Variants in SEMA6D observed in about 807,000 individuals in gnomAD.
SEMA6D encodes semaphorin-6D.
A neutral mutation model predicts 106.6 loss-of-function variants in SEMA6D; 35 were observed. The observed-to-expected ratio is 0.33, with a 90% CI of 0.25 to 0.44. The LOEUF (loss-of-function observed/expected upper bound fraction) is 0.44. Among genes scored for constraint, SEMA6D ranks in the 20% least tolerant of loss-of-function variants. SEMA6D has a pLI of 1.00. For missense variants in SEMA6D, 1,185 were observed against 1,345.9 expected (o/e 0.88, Z 1.87); for synonymous variants, 499 against 487.7 (o/e 1.02, Z -0.31).
At chr15:47,308,063 G>A (rs1481258851) in intron 1 of SEMA6D, among the ~76,000 whole-genome samples, 1 of 151,394 alleles carries the variant, frequency 6.6e-6, no homozygotes, top group Non-Finnish European at 1.5e-5. Flanking sequence ...TAGTTGAGAG[G>A]TAAGTCACTT....
chr15:47,295,254 A>G (rs1052947945), intron 1 of SEMA6D, among the ~76,000 whole-genome samples: 9 of 152,232 alleles, frequency 5.9e-5, no homozygotes, highest in African/African-American at 2.2e-4. Context: ...CAGGTTTAAG[A>G]GCATCAAGTG....
intron 8 of SEMA6D, 60 bp from the exon 9 acceptor site, chr15:47,762,956 G>T: frequency 8.0e-7 from 1 of 1,245,624 alleles, no homozygotes; most frequent in East Asian, 2.4e-5. Flanking sequence ...TTTGCAGTCG[G>T]GGTCTTATGC....
chr15:47,268,609 A>G (rs2034426578), intron 1 of SEMA6D, among the ~76,000 whole-genome samples: 1 of 152,148 alleles, frequency 6.6e-6, no homozygotes, highest in African/African-American at 2.4e-5. Flanking sequence ...GTCCTTGGAA[A>G]TGGCCAGCAC....
At chr15:47,277,612 AT>A (rs1261643727) in intron 1 of SEMA6D, among the ~76,000 whole-genome samples, 5 of 115,372 alleles carry the variant, frequency 4.3e-5, no homozygotes, top group African/African-American at 1.6e-4. Flanking sequence ...TATTATTATT[AT>A]TTATTATTAT....
chr15:47,398,904 A>G (rs2040307246), intron 1 of SEMA6D, among the ~76,000 whole-genome samples: 1 of 152,160 alleles, frequency 6.6e-6, no homozygotes, highest in Non-Finnish European at 1.5e-5. Flanking sequence ...ACACTTCCTG[A>G]GTGAACTTCC....
intron 1 of SEMA6D, among the ~76,000 whole-genome samples, chr15:47,214,259 G>A (rs1185760056): frequency 6.6e-6 from 1 of 152,146 alleles, no homozygotes; most frequent in African/African-American, 2.4e-5. Flanking sequence ...TGTTTTCAAG[G>A]TGATACAGGG....
At chr15:47,370,735 C>T (rs2039243164) in intron 1 of SEMA6D, among the ~76,000 whole-genome samples, 1 of 147,498 alleles carries the variant, frequency 6.8e-6, no homozygotes, top group Non-Finnish European at 1.5e-5. Flanking sequence ...CAGCACGCGC[C>T]AGTAGTCCCA....
At chr15:47,721,021 G>A (rs1341369419) in intron 1 of SEMA6D, among the ~76,000 whole-genome samples, 2 of 152,222 alleles carry the variant, frequency 1.3e-5, no homozygotes, top group Non-Finnish European at 2.9e-5. Context: ...TCTAGAGGAA[G>A]CAAGAAGCAG....
intron 1 of SEMA6D, chr15:47,275,287 G>A (rs1346875947): frequency 6.6e-6 from 1 of 152,046 alleles, no homozygotes; most frequent in African/African-American, 2.4e-5. Flanking sequence ...GCTGAGAAAG[G>A]AAAAAGAATA....
chr15:47,642,179 A>T (rs2077500599), intron 4 of SEMA6D, among the ~76,000 whole-genome samples: 1 of 152,232 alleles, frequency 6.6e-6, no homozygotes, highest in Non-Finnish European at 1.5e-5. Flanking sequence ...TGGTACAGAT[A>T]TGTCATATGC....
chr15:47,593,716 A>T (rs1028395827), intron 3 of SEMA6D, among the ~76,000 whole-genome samples: 1 of 152,328 alleles, frequency 6.6e-6, no homozygotes, highest in African/African-American at 2.4e-5. Context: ...CAGGGTGTAC[A>T]GGAAGCATCA....
At chr15:47,711,108 G>C (rs2079009644) in intron 4 of SEMA6D, among the ~76,000 whole-genome samples, 1 of 151,842 alleles carries the variant, frequency 6.6e-6, no homozygotes, top group South Asian at 2.1e-4. Flanking sequence ...AGGAGATCGA[G>C]ACCATCCCGG....
chr15:47,319,338 T>A (rs1356968314), intron 1 of SEMA6D, among the ~76,000 whole-genome samples: 1 of 152,228 alleles, frequency 6.6e-6, no homozygotes, highest in Non-Finnish European at 1.5e-5. Flanking sequence ...TGTTGTGTTT[T>A]TTGCCATTTT....
At chr15:47,388,289 T>G (rs1035972789) in intron 1 of SEMA6D, among the ~76,000 whole-genome samples, 1 of 152,196 alleles carries the variant, frequency 6.6e-6, no homozygotes, top group African/African-American at 2.4e-5. Context: ...CCTGAGTCTG[T>G]TTGCAGTCGT....
intron 1 of SEMA6D, among the ~76,000 whole-genome samples, chr15:47,744,179 C>A (rs907560160): frequency 2.0e-5 from 3 of 152,190 alleles, no homozygotes; most frequent in Admixed American, 1.3e-4. Context: ...AAAATAACTT[C>A]TGCCCTAAGC....
chr15:47,211,627 A>G (rs1298292608), intron 1 of SEMA6D, among the ~76,000 whole-genome samples: 3 of 152,208 alleles, frequency 2.0e-5, no homozygotes, highest in Non-Finnish European at 4.4e-5. Context: ...CTCCAAGGCC[A>G]TATTTATATA....
intron 1 of SEMA6D, among the ~76,000 whole-genome samples, chr15:47,199,955 T>A (rs1387210067): frequency 1.3e-5 from 2 of 152,102 alleles, no homozygotes; most frequent in Non-Finnish European, 2.9e-5. Context: ...TTGACAGATT[T>A]AAAAAAACAG....
chr15:47,745,488 C>G (rs1004080581), intron 1 of SEMA6D, among the ~76,000 whole-genome samples: 17 of 152,374 alleles, frequency 1.1e-4, no homozygotes, highest in Admixed American at 1.0e-3. Flanking sequence ...GCCTCCATCC[C>G]TGACAGCAGC....
intron 2 of SEMA6D, among the ~76,000 whole-genome samples, chr15:47,464,115 G>C (rs917196880): frequency 6.6e-6 from 1 of 152,072 alleles, no homozygotes; most frequent in Admixed American, 6.6e-5. Flanking sequence ...GGTTTCAGGG[G>C]TTATGATCTG....
Sources: gnomAD v4.1 joint callset for allele counts (sites outside exome capture counted in the v4.1 genomes callset) on GRCh38, gnomAD v4.1.1 for gene constraint, MANE v1.5 for transcripts, NCBI Gene and HGNC (gene_info 2026-07-23, HGNC 2026-07-21) for gene names.